The following C2orf76 variants were observed in gnomAD, a reference collection of about 807,000 sequenced individuals.
The protein encoded by C2orf76 is chromosome 2 open reading frame 76.
Under a neutral mutation model 16.9 loss-of-function variants are expected in C2orf76, and 23 were observed. The observed-to-expected ratio is 1.36, with a 90% CI of 0.98 to 1.93. C2orf76 has a LOEUF of 1.93. Ranked by LOEUF, C2orf76 falls within the 30% of genes most tolerant of loss-of-function variation. C2orf76 has a pLI of 0.00. For synonymous variants in C2orf76, 48 were observed against 52.3 expected, an observed-to-expected ratio of 0.92 and a Z score of 0.35; for missense variants, 152 against 152.6, an observed-to-expected ratio of 1.00 and a Z score of 0.02.
At chr2:119,333,748 C>T (rs1679749067) in intron 2 of C2orf76, among the ~76,000 whole-genome samples, 1 of 152,160 alleles carries the variant, frequency 6.6e-6, no homozygotes, top group African/African-American at 2.4e-5. Flanking sequence ...CTGCTTAACC[C>T]GAACCTAATC....
chr2:119,366,214 CTGCCAAGGTCTAGAACAG>C, intron 1 of C2orf76: 1 of 349,308 alleles, frequency 2.9e-6, no homozygotes, highest in South Asian at 2.2e-5. Flanking sequence ...TCACTGCTGT[CTGCCAAGGTCTAGAACAG>C]TGCAAGTTAC....
the C2orf76 span, among the ~76,000 whole-genome samples, chr2:119,286,578 C>A: frequency 6.6e-6 from 1 of 152,092 alleles, no homozygotes; most frequent in Non-Finnish European, 1.5e-5. Flanking sequence ...AGAGATCAAA[C>A]CAAAGAAGCC....
chr2:119,286,864 G>C, the C2orf76 span, among the ~76,000 whole-genome samples: 1 of 152,296 alleles, frequency 6.6e-6, no homozygotes, highest in East Asian at 1.9e-4. Context: ...GTTCATTCCA[G>C]CAATTCTGAG....
At chr2:119,296,036 T>C in the C2orf76 span, among the ~76,000 whole-genome samples, 2 of 152,182 alleles carry the variant, frequency 1.3e-5, no homozygotes, top group African/African-American at 2.4e-5. Context: ...CATTTGGGGA[T>C]GGGGAAAGTG....
At chr2:119,361,534 G>T (rs894918593) in intron 1 of C2orf76, among the ~76,000 whole-genome samples, 15 of 152,008 alleles carry the variant, frequency 9.9e-5, no homozygotes, top group African/African-American at 3.4e-4. Flanking sequence ...TATTTATATA[G>T]CATTTACATT....
downstream of C2orf76, among the ~76,000 whole-genome samples, chr2:119,300,157 A>C (rs1678594685): frequency 6.6e-6 from 1 of 152,228 alleles, no homozygotes; most frequent in South Asian, 2.1e-4. Context: ...TTCTTCATCT[A>C]TAAATATACA....
chr2:119,294,624 T>A, the C2orf76 span, among the ~76,000 whole-genome samples: 5 of 152,124 alleles, frequency 3.3e-5, no homozygotes, highest in South Asian at 1.0e-3. Context: ...GCATGTTGTC[T>A]AGGATGGCCC....
chr2:119,290,186 C>T, the C2orf76 span, among the ~76,000 whole-genome samples: 1 of 151,462 alleles, frequency 6.6e-6, no homozygotes, highest in Non-Finnish European at 1.5e-5. Flanking sequence ...GCTTCCAAGC[C>T]CCTCCACCAA....
At chr2:119,333,251 A>G (rs547836009) in intron 2 of C2orf76, among the ~76,000 whole-genome samples, 1 of 152,336 alleles carries the variant, frequency 6.6e-6, no homozygotes, top group East Asian at 1.9e-4. Context: ...TCTCTACAGA[A>G]GAGTGCCAGA....
chr2:119,365,833 C>A (rs1306744678), intron 1 of C2orf76, among the ~76,000 whole-genome samples: 1 of 152,106 alleles, frequency 6.6e-6, no homozygotes, highest in Non-Finnish European at 1.5e-5. Flanking sequence ...CGTTCCCCTC[C>A]GTCTCCTCAT....
At chr2:119,325,330 G>A (rs1249870353) in intron 2 of C2orf76, among the ~76,000 whole-genome samples, 1 of 151,750 alleles carries the variant, frequency 6.6e-6, no homozygotes, top group Admixed American at 6.6e-5. Context: ...CGTGGTGGCG[G>A]GTGCCTGTAT....
downstream of C2orf76, among the ~76,000 whole-genome samples, chr2:119,300,253 G>C (rs1008321196): frequency 2.6e-5 from 4 of 152,090 alleles, no homozygotes. Context: ...CGGAACGCAC[G>C]ATCACATGGT....
chr2:119,305,630 C>CA (rs554120450), intron 5 of C2orf76, among the ~76,000 whole-genome samples: 71 of 150,064 alleles, frequency 4.7e-4, no homozygotes, highest in African/African-American at 9.3e-4. Flanking sequence ...ACACTGTTGA[C>CA]AAAAAAAAAT....
intron 5 of C2orf76, among the ~76,000 whole-genome samples, chr2:119,305,933 A>AAAAC (rs1678764247): frequency 9.7e-6 from 1 of 103,500 alleles, no homozygotes; most frequent in Non-Finnish European, 2.2e-5. Context: ...CCAAAAAAAA[A>AAAAC]AACAACAACA....
At chr2:119,335,285 C>T (rs1679811894) in intron 2 of C2orf76, among the ~76,000 whole-genome samples, 1 of 152,130 alleles carries the variant, frequency 6.6e-6, no homozygotes, top group African/African-American at 2.4e-5. Flanking sequence ...AGAAAGAACA[C>T]TCTAGTAGCA....
intron 1 of C2orf76, among the ~76,000 whole-genome samples, chr2:119,355,509 C>T (rs1343052847): frequency 6.6e-6 from 1 of 152,160 alleles, no homozygotes; most frequent in Non-Finnish European, 1.5e-5. Flanking sequence ...ACAGCTGTGA[C>T]ATAAACCCAC....
downstream of C2orf76, among the ~76,000 whole-genome samples, chr2:119,297,403 A>G (rs1309007624): frequency 1.3e-5 from 2 of 152,228 alleles, no homozygotes; most frequent in East Asian, 1.9e-4. Context: ...TTTAAATAAC[A>G]TATGTGCAAA....
the C2orf76 span, among the ~76,000 whole-genome samples, chr2:119,292,428 G>C: frequency 6.6e-6 from 1 of 152,174 alleles, no homozygotes. Context: ...GGCATACGCA[G>C]AGCCCTAGCG....
intron 5 of C2orf76, among the ~76,000 whole-genome samples, chr2:119,310,234 C>T (rs1185788709): frequency 6.6e-6 from 1 of 152,152 alleles, no homozygotes; most frequent in African/African-American, 2.4e-5. Flanking sequence ...GCAGGGCTAC[C>T]TTATGGGTGC....
Sources: gnomAD v4.1 joint callset for allele counts (sites outside exome capture counted in the v4.1 genomes callset) on GRCh38, gnomAD v4.1.1 for gene constraint, MANE v1.5 for transcripts, NCBI Gene and HGNC (gene_info 2026-07-23, HGNC 2026-07-21) for gene names.